COLQ: variants seen among roughly 807,000 people sequenced by gnomAD.
COLQ encodes the protein collagen like tail subunit of asymmetric acetylcholinesterase, also known as acetylcholinesterase collagenic tail peptide.
A neutral mutation model predicts 69.0 loss-of-function variants in COLQ; 48 were observed. That is an observed-to-expected ratio of 0.70 (90% confidence interval 0.55 to 0.88). The LOEUF (loss-of-function observed/expected upper bound fraction) is 0.88, where lower values mean the gene tolerates loss of function less well. Ranked by LOEUF, COLQ falls within the 40% of genes least tolerant of loss-of-function variation. The probability of loss-of-function intolerance (pLI) is 0.00; values close to 1 mark genes in which losing one functional copy is unlikely to be tolerated. For missense variants in COLQ, 618 were observed against 594.6 expected (o/e 1.04, Z -0.41); for synonymous variants, 217 against 211.2 (o/e 1.03, Z -0.24).
chr3:15,499,008 GC>G, intron 1 of COLQ: 3 of 1,035,512 alleles, frequency 2.9e-6, no homozygotes, highest in Middle Eastern at 4.6e-4. Flanking sequence ...GCTCTGGTAA[GC>G]CTCAAAGTCA....
chr3:15,511,269 A>C (rs575418618), intron 1 of COLQ, among the ~76,000 whole-genome samples: 11 of 152,354 alleles, frequency 7.2e-5, no homozygotes, highest in African/African-American at 2.6e-4. Flanking sequence ...TAAAAACACA[A>C]GTAAACAGGC....
chr3:15,516,598 G>A (rs908344078), intron 1 of COLQ, among the ~76,000 whole-genome samples: 10 of 152,096 alleles, frequency 6.6e-5, no homozygotes, highest in Non-Finnish European at 7.4e-5. Flanking sequence ...GGGATGGGTC[G>A]GCTCACAATG....
chr3:15,475,442 C>G lies in COLQ; in HGVS notation c.511G>C (p.Gly171Arg), dbSNP rs1425503598. The change falls in exon 7 of 17, where the codon GGA becomes CGA. Residue 171 changes from glycine (G) to arginine (R), a missense_variant. Transcript: ENST00000383788. Reference sequence around the variant, plus strand: ...ACACTGACCTTGGAGCCCATTGGTCCTCTTGACCCTGGCAAGCCCATCATA... The same window carrying G: ...ACACTGACCTTGGAGCCCATTGGTCGTCTTGACCCTGGCAAGCCCATCATA... Reference protein sequence around the residue: ...LGMMGLPGSRGPMGSKGYPGS... With the variant: ...LGMMGLPGSRRPMGSKGYPGS... 6.2e-7 allele frequency: 1 copy of G among 1,600,912 alleles called. No homozygotes were observed. The highest frequency in any genetic ancestry group is 8.5e-7 in the Non-Finnish European group (1 of 1,172,950).
At chr3:15,460,176 T>C (rs2062089252) in intron 12 of COLQ, among the ~76,000 whole-genome samples, 3 of 152,258 alleles carry the variant, frequency 2.0e-5, no homozygotes, top group Non-Finnish European at 2.9e-5. Flanking sequence ...TCCAGTAGAA[T>C]GTCGCTCCAC....
At chr3:15,466,537 A>T in intron 11 of COLQ, 100 bp from the exon 12 acceptor site, 1 of 991,190 alleles carries the variant, frequency 1.0e-6, no homozygotes, top group Admixed American at 2.0e-5. Context: ...CTTAAGGAGC[A>T]AGAGCCCAGT....
At position 15,470,583 on chromosome 3, in the gene COLQ, C is replaced by T; in HGVS notation, c.670G>A (p.Ala224Thr). 1 of 1,614,132 alleles carries T rather than the reference C, an allele frequency of 6.2e-7. No homozygotes were observed. The highest frequency in any genetic ancestry group is 2.2e-5 in the East Asian group (1 of 44,886). Reference protein sequence around the residue: ...EMGPKGEPGIAGHRGPTGRPG... With the variant: ...EMGPKGEPGITGHRGPTGRPG... ...CTTCCTGTGGGTCCTCGGTGTCCTG[C>T]TATCCCAGGTTCACCTTTTGGACCC... The change falls in exon 11 of 17, where the codon GCA becomes ACA. Residue 224 changes from alanine (A) to threonine (T), a missense_variant. Physicochemically the swap from Ala to Thr is moderately conservative, Grantham distance 58 (BLOSUM62 0). Transcript: ENST00000383788.
At position 15,488,512 on chromosome 3, in the gene COLQ, A is replaced by G. The variant is rs143600399; in HGVS notation, c.220-205T>C. Among the ~76,000 whole-genome samples, 1,046 of 152,110 alleles carry G rather than the reference A, an allele frequency of 6.9e-3. 10 individuals are homozygous for G. The highest frequency in any genetic ancestry group is 0.024 in the African/African-American group (982 of 41,490). On this transcript the variant is annotated intron_variant, in intron 2 of 16. Transcript: ENST00000383788. ...CTTGAGACGAACCTGGCTTGTATGGATTACAGACACCTCGTAGCCACTTTG... is the reference window on the plus strand; with the variant it reads ...CTTGAGACGAACCTGGCTTGTATGGGTTACAGACACCTCGTAGCCACTTTG...
chr3:15,466,475 G>A, intron 11 of COLQ, 38 bp from the exon 12 acceptor site: 1 of 1,549,492 alleles, frequency 6.5e-7, no homozygotes, highest in Non-Finnish European at 8.9e-7. Context: ...ATGAAAGCAT[G>A]ACATAGCAAG....
intron 1 of COLQ, chr3:15,499,004 G>GTTTGTT: frequency 5.5e-6 from 6 of 1,099,806 alleles, no homozygotes; most frequent in Non-Finnish European, 6.7e-6. Flanking sequence ...GACTGCTCTG[G>GTTTGTT]TAAGCCTCAA....
intron 3 of COLQ, among the ~76,000 whole-genome samples, chr3:15,486,768 C>A (rs2062582312): frequency 6.6e-6 from 1 of 152,198 alleles, no homozygotes; most frequent in Non-Finnish European, 1.5e-5. Flanking sequence ...CCTATACCAA[C>A]CCCGTGCACT....
At position 15,485,923 on chromosome 3, in the gene COLQ, C is replaced by T. The variant is rs573593465; in HGVS notation, c.321+2283G>A. Among the ~76,000 whole-genome samples the T allele has an allele frequency of 1.5e-3, 230 of 152,310 alleles. 1 individual carries two copies. The highest frequency in any genetic ancestry group is 5.4e-3 in the African/African-American group (224 of 41,564). ...GCTGCAGTTAGCTGCGATCAAGCCA[C>T]TGCACTCTAACCTAGGTGGCACAGT... On this transcript the variant is annotated intron_variant, in intron 3 of 16. Coordinates refer to ENST00000383788, the MANE Select transcript of COLQ (RefSeq NM_005677.4).
intron 3 of COLQ, among the ~76,000 whole-genome samples, chr3:15,484,042 T>C (rs1575480216): frequency 2.1e-5 from 1 of 47,152 alleles, no homozygotes; most frequent in South Asian, 5.6e-4. Context: ...CAAGCCGTGC[T>C]TTTTTTTTGT....
At chr3:15,486,039 C>G (rs907668874) in intron 3 of COLQ, among the ~76,000 whole-genome samples, 9 of 152,126 alleles carry the variant, frequency 5.9e-5, no homozygotes, top group Non-Finnish European at 1.2e-4. Context: ...TTGGAGCTCC[C>G]CCAGGGAATC....
intron 1 of COLQ, among the ~76,000 whole-genome samples, chr3:15,497,363 A>G (rs546977485): frequency 6.6e-6 from 1 of 152,106 alleles, no homozygotes; most frequent in South Asian, 2.1e-4. Context: ...CCCTTTTTAA[A>G]ATAAGTATGA....
At chr3:15,459,957 A>C (rs2062083946) in intron 12 of COLQ, among the ~76,000 whole-genome samples, 1 of 152,066 alleles carries the variant, frequency 6.6e-6, no homozygotes, top group Non-Finnish European at 1.5e-5. Flanking sequence ...CTGCCAGATC[A>C]TCCTCCCTTC....
At chr3:15,480,161 C>T (rs1049806763) in intron 3 of COLQ, among the ~76,000 whole-genome samples, 1 of 152,190 alleles carries the variant, frequency 6.6e-6, no homozygotes, top group African/African-American at 2.4e-5. Flanking sequence ...ATGCATAGTG[C>T]AAAGCCTGTT....
At chr3:15,502,882 G>T (rs1330457179) in intron 1 of COLQ, among the ~76,000 whole-genome samples, 1 of 152,174 alleles carries the variant, frequency 6.6e-6, no homozygotes, top group Non-Finnish European at 1.5e-5. Flanking sequence ...ACGAAACGAC[G>T]ATGACCCATG....
chr3:15,459,753 A>G (rs1184650035), intron 12 of COLQ, among the ~76,000 whole-genome samples: 1 of 152,008 alleles, frequency 6.6e-6, no homozygotes, highest in Non-Finnish European at 1.5e-5. Context: ...TGCTGGGATT[A>G]CAGGTGTGAG....
chr3:15,453,982 C>T lies in COLQ; in HGVS notation c.1196-51G>A, dbSNP rs2061989120. ...CTTGAGAAGGAGCAGAGGCGATAGG[C>T]TTGCCTCAGCTTGTAAGGACCATGC... On this transcript the variant is annotated intron_variant, in intron 15 of 16. Transcript: ENST00000383788. The T allele has an allele frequency of 1.7e-5, 22 of 1,296,322 alleles. No individual in the cohort carries two copies. In the East Asian group the frequency reaches 5.0e-4, roughly 29 times the overall value. The allele number at this position is 1,296,322 out of a possible 1,614,324, so 80.3% of individuals were successfully genotyped here.
Sources: gnomAD v4.1 joint callset for allele counts (sites outside exome capture counted in the v4.1 genomes callset) on GRCh38, gnomAD v4.1.1 for gene constraint, MANE v1.5 for transcripts, NCBI Gene and HGNC (gene_info 2026-07-23, HGNC 2026-07-21) for gene names.